The following PRDM1 variants were observed in gnomAD, a reference collection of about 807,000 sequenced individuals.
PRDM1 encodes the protein PR/SET domain 1.
In PRDM1, 13 loss-of-function variants were observed where a neutral mutation model predicts 62.8. The ratio of observed to expected loss-of-function variants is 0.21; its 90% CI spans 0.13 to 0.33. PRDM1 has a LOEUF of 0.33. Ranked by LOEUF, PRDM1 falls within the 10% of genes least tolerant of loss-of-function variation. The probability of loss-of-function intolerance (pLI) is 1.00; values close to 1 mark genes in which losing one functional copy is unlikely to be tolerated. For synonymous variants in PRDM1, 396 were observed against 417.6 expected (o/e 0.95, Z 0.63); for missense variants, 895 against 1,058.8 (o/e 0.85, Z 2.15).
intron 1 of PRDM1, among the ~76,000 whole-genome samples, chr6:106,064,560 T>C (rs147454873): frequency 1.3e-5 from 2 of 152,328 alleles, no homozygotes; most frequent in East Asian, 3.9e-4. Flanking sequence ...ACTTGTCGTC[T>C]GAGGGCGTGC....
chr6:106,062,577 G>A (rs1582445445), intron 1 of PRDM1, among the ~76,000 whole-genome samples: 1 of 152,198 alleles, frequency 6.6e-6, no homozygotes, highest in African/African-American at 2.4e-5. Context: ...TTCTAAGAGT[G>A]AAATGTCCTT....
chr6:106,098,811 C>T, intron 3 of PRDM1: 1 of 1,514,638 alleles, frequency 6.6e-7, no homozygotes, highest in Non-Finnish European at 8.9e-7. Flanking sequence ...AAGCCTTGGG[C>T]GGGGGTGTAG....
chr6:106,051,397 C>T (rs1387336544), intron 1 of PRDM1, among the ~76,000 whole-genome samples: 1 of 152,218 alleles, frequency 6.6e-6, no homozygotes, highest in Non-Finnish European at 1.5e-5. Context: ...GGAGAGTGGA[C>T]TCACAGCAGG....
chr6:106,032,445 C>T (rs1772857926), intron 1 of PRDM1, among the ~76,000 whole-genome samples: 1 of 151,468 alleles, frequency 6.6e-6, no homozygotes, highest in African/African-American at 2.4e-5. Flanking sequence ...ACCGTATTTT[C>T]TTTTTTTGTT....
At chr6:106,011,705 G>C (rs1037162275) in intron 1 of PRDM1, among the ~76,000 whole-genome samples, 1 of 151,964 alleles carries the variant, frequency 6.6e-6, no homozygotes, top group Non-Finnish European at 1.5e-5. Context: ...TTGCCAAAGC[G>C]GGTGGCTTGG....
At chr6:106,032,038 A>G (rs553510611) in intron 1 of PRDM1, among the ~76,000 whole-genome samples, 1 of 152,342 alleles carries the variant, frequency 6.6e-6, no homozygotes, top group South Asian at 2.1e-4. Context: ...GTTGAAGATG[A>G]TGCCTTACCC....
At chr6:106,099,937 A>G (rs748194943) in intron 4 of PRDM1, among the ~76,000 whole-genome samples, 2 of 152,248 alleles carry the variant, frequency 1.3e-5, no homozygotes, top group African/African-American at 4.8e-5. Context: ...CAAAATATTT[A>G]TAGATGTACA....
chr6:106,093,339 C>T (rs1314364166), intron 2 of PRDM1, among the ~76,000 whole-genome samples: 4 of 152,124 alleles, frequency 2.6e-5, no homozygotes, highest in African/African-American at 7.2e-5. Context: ...TGCAGTGCTC[C>T]GTTTTGGTAA....
rs201834594 is a variant in PRDM1 at position 106,105,255 on chromosome 6, C to T, written c.1095C>T (p.Pro365=). 3.7e-6 allele frequency: 6 copies of T among 1,613,682 alleles called. No individual in the cohort carries two copies. In the East Asian group the frequency reaches 6.7e-5, roughly 18 times the overall value. ...GGAATACGGTGTCCCCTGTGGGCCC[C>T]GGCTCTCAAGAGCACCGGGACTCCT... The part of the protein sequence containing the change: ...SPGNTVSPVG[P]GSQEHRDSYA... The change falls in exon 5 of 7, where the codon CCC becomes CCT. Residue 365 remains proline, a synonymous_variant. Transcript: ENST00000369096.
chr6:105,996,961 AC>A (rs1772356058), intron 1 of PRDM1, among the ~76,000 whole-genome samples: 1 of 152,238 alleles, frequency 6.6e-6, no homozygotes, highest in African/African-American at 2.4e-5. Flanking sequence ...TGCAAAAGCT[AC>A]TACTTATTTT....
intron 3 of PRDM1, chr6:106,098,340 G>A (rs539524754): frequency 1.0e-6 from 1 of 985,364 alleles, no homozygotes; most frequent in African/African-American, 1.7e-5. Context: ...CAGTAAGAGT[G>A]TACGTTTTAA....
chr6:106,104,587 C>A (rs1186392060), intron 4 of PRDM1, among the ~76,000 whole-genome samples: 3 of 152,200 alleles, frequency 2.0e-5, no homozygotes, highest in Non-Finnish European at 4.4e-5. Flanking sequence ...TCACCCAAGG[C>A]TGCTGTTTGT....
At chr6:106,091,766 T>C (rs557256766) in intron 2 of PRDM1, among the ~76,000 whole-genome samples, 1 of 151,474 alleles carries the variant, frequency 6.6e-6, no homozygotes, top group African/African-American at 2.4e-5. Flanking sequence ...AGAGTGAAAC[T>C]CTGTTTCAAA....
intron 1 of PRDM1, among the ~76,000 whole-genome samples, chr6:105,995,958 T>A (rs191037680): frequency 6.6e-6 from 1 of 152,362 alleles, no homozygotes; most frequent in Admixed American, 6.5e-5. Context: ...ATTTCCTTGC[T>A]CTGTGTTGGA....
chr6:106,099,585 T>C (rs996178492), intron 4 of PRDM1, 33 bp downstream of exon 4: 2 of 1,609,934 alleles, frequency 1.2e-6, no homozygotes, highest in African/African-American at 2.7e-5. Flanking sequence ...AAATAAAAAA[T>C]GCCAGTAATG....
intron 1 of PRDM1, among the ~76,000 whole-genome samples, chr6:106,065,127 T>C (rs1773412527): frequency 6.6e-6 from 1 of 152,222 alleles, no homozygotes; most frequent in South Asian, 2.1e-4. Flanking sequence ...TTGTTGATCT[T>C]ATGTATTTAT....
intron 1 of PRDM1, among the ~76,000 whole-genome samples, chr6:105,996,303 G>A (rs955404836): frequency 8.5e-5 from 13 of 152,056 alleles, no homozygotes; most frequent in African/African-American, 2.9e-4. Flanking sequence ...TCAGATAAAT[G>A]TGGTAGCCAC....
At chr6:106,018,284 A>G (rs1772649595) in intron 1 of PRDM1, among the ~76,000 whole-genome samples, 1 of 152,242 alleles carries the variant, frequency 6.6e-6, no homozygotes, top group Non-Finnish European at 1.5e-5. Flanking sequence ...ATAGTGTGTT[A>G]AGTAGACCAT....
chr6:106,003,832 C>CAAAG (rs1272647328), intron 1 of PRDM1, among the ~76,000 whole-genome samples: 6 of 152,138 alleles, frequency 3.9e-5, no homozygotes, highest in African/African-American at 1.4e-4. Flanking sequence ...CATGAGTGTA[C>CAAAG]TCGGTTCTCA....
Sources: allele counts gnomAD v4.1 joint callset (sites outside exome capture counted in the v4.1 genomes callset), GRCh38; gene constraint gnomAD v4.1.1; transcripts MANE v1.5; gene names NCBI Gene and HGNC (gene_info 2026-07-23, HGNC 2026-07-21).